Variants in CNBD1 observed in about 807,000 individuals in gnomAD.
CNBD1 encodes cyclic nucleotide-binding domain-containing protein 1.
Under a neutral mutation model 54.4 loss-of-function variants are expected in CNBD1, and 71 were observed. The ratio of observed to expected loss-of-function variants is 1.30; its 90% confidence interval spans 1.08 to 1.59. CNBD1 has a LOEUF of 1.59. CNBD1 is among the 40% of genes most tolerant of loss of function. The pLI is 0.00. For missense variants in CNBD1, 659 were observed against 518.0 expected (o/e 1.27, Z -2.64); for synonymous variants, 182 against 170.7 (o/e 1.07, Z -0.51).
chr8:86,923,225 C>A (rs1809304476), intron 3 of CNBD1, among the ~76,000 whole-genome samples: 1 of 152,150 alleles, frequency 6.6e-6, no homozygotes, highest in Admixed American at 6.5e-5. Flanking sequence ...TGAAGTACTC[C>A]TTTTGAAGTC....
intron 10 of CNBD1, among the ~76,000 whole-genome samples, chr8:87,366,719 G>T (rs1056691959): frequency 1.3e-5 from 2 of 152,022 alleles, no homozygotes; most frequent in African/African-American, 4.8e-5. Context: ...AGGAGAGCAT[G>T]ACAGGTATCT....
rs571018127 is a variant in CNBD1, at chr8:86,976,370, T to G, written c.431+36616T>G. ...TGGTTTTATAGTCTTAGTTCTTACA[T>G]TTAAGTCTTTAATCCATTTTGAGTT... On this transcript the variant is annotated intron_variant, in intron 4 of 10. Transcript: ENST00000518476. Among the ~76,000 whole-genome samples the G allele has an allele frequency of 3.9e-5, 6 of 151,980 alleles. No homozygotes were observed. In the East Asian group the frequency reaches 1.2e-3, roughly 29 times the overall value.
At chr8:87,341,153 T>C (rs1347749305) in intron 8 of CNBD1, among the ~76,000 whole-genome samples, 2 of 152,156 alleles carry the variant, frequency 1.3e-5, no homozygotes, top group East Asian at 3.9e-4. Context: ...TATTTTCTAT[T>C]TTTGGTTTTT....
chr8:87,222,485 T>A (rs1814361520), intron 5 of CNBD1, among the ~76,000 whole-genome samples: 1 of 152,090 alleles, frequency 6.6e-6, no homozygotes, highest in South Asian at 2.1e-4. Context: ...TTAATTAGGT[T>A]GGATGGGGGC....
At chr8:87,331,927 A>C (rs1177754561) in intron 8 of CNBD1, among the ~76,000 whole-genome samples, 2 of 151,972 alleles carry the variant, frequency 1.3e-5, no homozygotes, top group African/African-American at 4.8e-5. Flanking sequence ...TTTCTTGTAA[A>C]TTTGTTTAAA....
chr8:87,050,556 G>A, intron 4 of CNBD1, among the ~76,000 whole-genome samples: 1 of 152,206 alleles, frequency 6.6e-6, no homozygotes, highest in East Asian at 1.9e-4. Context: ...GCACTGTCCA[G>A]GTTAGTTGGG....
chr8:86,902,434 A>T (rs559402646), intron 2 of CNBD1, among the ~76,000 whole-genome samples: 1 of 152,250 alleles, frequency 6.6e-6, no homozygotes, highest in Admixed American at 6.5e-5. Context: ...ACATGAGAAA[A>T]ATGGTCTTAA....
chr8:87,124,982 TAATAG>T (rs1811962179), intron 4 of CNBD1, among the ~76,000 whole-genome samples: 1 of 151,704 alleles, frequency 6.6e-6, no homozygotes, highest in African/African-American at 2.4e-5. Flanking sequence ...TACACAAAAT[TAATAG>T]TGTTTGTATA....
intron 1 of CNBD1, among the ~76,000 whole-genome samples, chr8:86,885,068 TC>T (rs2131784192): frequency 6.6e-6 from 1 of 152,338 alleles, no homozygotes; most frequent in South Asian, 2.1e-4. Context: ...TTCTATTGCT[TC>T]CTCTTAGCTT....
chr8:87,281,821 T>C (rs538713582), intron 6 of CNBD1, among the ~76,000 whole-genome samples: 3 of 151,126 alleles, frequency 2.0e-5, no homozygotes, highest in Non-Finnish European at 4.4e-5. Flanking sequence ...TCCTATAGGT[T>C]AGAGGACTTT....
chr8:87,380,111 A>T (rs945791260), intron 10 of CNBD1, among the ~76,000 whole-genome samples: 1 of 151,990 alleles, frequency 6.6e-6, no homozygotes, highest in African/African-American at 2.4e-5. Flanking sequence ...TATTATAATT[A>T]CATACACAAA....
intron 4 of CNBD1, among the ~76,000 whole-genome samples, chr8:86,947,694 C>T (rs771879759): frequency 2.0e-5 from 3 of 152,058 alleles, no homozygotes; most frequent in African/African-American, 2.4e-5. Flanking sequence ...TACAGGCATA[C>T]AATGAATAAT....
chr8:87,357,747 T>C (rs1294203695), intron 10 of CNBD1, among the ~76,000 whole-genome samples: 1 of 152,140 alleles, frequency 6.6e-6, no homozygotes, highest in Non-Finnish European at 1.5e-5. Context: ...GGTGATTATA[T>C]ATTGCAATGT....
At chr8:86,981,129 C>T (rs1001682771) in intron 4 of CNBD1, among the ~76,000 whole-genome samples, 2 of 152,194 alleles carry the variant, frequency 1.3e-5, no homozygotes, top group Non-Finnish European at 2.9e-5. Flanking sequence ...ATGACACAGA[C>T]TATGGAAAGA....
chr8:87,201,132 T>TA (rs1236854352), intron 4 of CNBD1, among the ~76,000 whole-genome samples: 3 of 152,150 alleles, frequency 2.0e-5, no homozygotes, highest in African/African-American at 7.2e-5. Flanking sequence ...ATTATTAGAA[T>TA]AAAAAAACCA....
At chr8:87,264,508 A>AGCAGCCATTTG (rs1808208580) in intron 6 of CNBD1, among the ~76,000 whole-genome samples, 1 of 152,150 alleles carries the variant, frequency 6.6e-6, no homozygotes, top group African/African-American at 2.4e-5. Context: ...CTTTGGGTAT[A>AGCAGCCATTTG]TACCCAGTAA....
intron 2 of CNBD1, among the ~76,000 whole-genome samples, chr8:87,424,477 C>G (rs1183696709): frequency 1.3e-5 from 2 of 152,156 alleles, no homozygotes; most frequent in African/African-American, 4.8e-5. Context: ...TATGTTGTGT[C>G]TTTGTTCTCA....
intron 8 of CNBD1, among the ~76,000 whole-genome samples, chr8:87,329,451 A>G (rs1299687457): frequency 6.6e-6 from 1 of 152,090 alleles, no homozygotes; most frequent in Non-Finnish European, 1.5e-5. Context: ...GCTTATGGGA[A>G]TTTTAATTGA....
intron 2 of CNBD1, among the ~76,000 whole-genome samples, chr8:87,388,057 C>A (rs758842305): frequency 6.6e-6 from 1 of 151,958 alleles, no homozygotes; most frequent in African/African-American, 2.4e-5. Flanking sequence ...TTGAAACAAA[C>A]GAGAACAAGG....
Sources: allele counts gnomAD v4.1 joint callset (sites outside exome capture counted in the v4.1 genomes callset), GRCh38; gene constraint gnomAD v4.1.1; transcripts MANE v1.5; gene names NCBI Gene and HGNC (gene_info 2026-07-23, HGNC 2026-07-21).